The following NPEPPS variants were observed in gnomAD, a reference collection of about 807,000 sequenced individuals.
The protein encoded by NPEPPS is puromycin-sensitive aminopeptidase.
Under a neutral mutation model 115.5 loss-of-function variants are expected in NPEPPS, and 14 were observed. That is an observed-to-expected ratio of 0.12 (90% CI 0.08 to 0.19). NPEPPS has a LOEUF of 0.19. Ranked by LOEUF, NPEPPS falls within the 10% of genes least tolerant of loss-of-function variation. The pLI is 1.00. For missense variants in NPEPPS, 523 were observed against 1,110.8 expected (o/e 0.47, Z 7.52); for synonymous variants, 285 against 390.6 (o/e 0.73, Z 3.19).
chr17:47,541,563 G>T (rs1411023649), intron 1 of NPEPPS, among the ~76,000 whole-genome samples: 1 of 152,084 alleles, frequency 6.6e-6, no homozygotes, highest in Non-Finnish European at 1.5e-5. Flanking sequence ...TTTTAGTAGA[G>T]ATGGGGTTTC....
At chr17:47,523,759 G>C (rs1449023322) in intron 1 of NPEPPS, among the ~76,000 whole-genome samples, 1 of 152,098 alleles carries the variant, frequency 6.6e-6, no homozygotes, top group East Asian at 1.9e-4. Context: ...CAAACCACTG[G>C]AGAAATCATA....
At chr17:47,620,540 C>T (rs1374325618) in intron 22 of NPEPPS, among the ~76,000 whole-genome samples, 1 of 152,118 alleles carries the variant, frequency 6.6e-6, no homozygotes, top group African/African-American at 2.4e-5. Flanking sequence ...GAAAAACAAG[C>T]CAGGATAATC....
At chr17:47,546,406 A>G (rs1251197463) in intron 2 of NPEPPS, among the ~76,000 whole-genome samples, 1 of 152,172 alleles carries the variant, frequency 6.6e-6, no homozygotes, top group African/African-American at 2.4e-5. Context: ...AGCCTGTGCG[A>G]CAGAGTGAGA....
chr17:47,553,246 G>A (rs575698503), intron 2 of NPEPPS, among the ~76,000 whole-genome samples: 4 of 151,458 alleles, frequency 2.6e-5, no homozygotes, highest in South Asian at 2.1e-4. Flanking sequence ...GGTGGTAGGC[G>A]CCTGTAATCC....
intron 3 of NPEPPS, among the ~76,000 whole-genome samples, chr17:47,573,174 A>G (rs752984737): frequency 6.6e-6 from 1 of 152,234 alleles, no homozygotes; most frequent in Non-Finnish European, 1.5e-5. Flanking sequence ...ACTAGCTTAA[A>G]AAATGTAAAA....
At chr17:47,594,715 C>T (rs902386342) in intron 12 of NPEPPS, among the ~76,000 whole-genome samples, 1 of 151,924 alleles carries the variant, frequency 6.6e-6, no homozygotes, top group African/African-American at 2.4e-5. Flanking sequence ...TCACTGCAAG[C>T]TCCACCTCCC....
At chr17:47,544,711 C>CTTTT (rs938067387) in intron 1 of NPEPPS, among the ~76,000 whole-genome samples, 8 of 114,224 alleles carry the variant, frequency 7.0e-5, no homozygotes, top group East Asian at 2.5e-4. Flanking sequence ...TTTTTGTATT[C>CTTTT]TTTTTTTTTT....
intron 12 of NPEPPS, among the ~76,000 whole-genome samples, chr17:47,595,455 ATTTC>A (rs1483306161): frequency 6.6e-5 from 10 of 152,170 alleles, no homozygotes; most frequent in Admixed American, 1.3e-4. Flanking sequence ...ACACATTTCA[ATTTC>A]TTTGTTTCTC....
At chr17:47,593,479 G>A (rs1456265926) in intron 12 of NPEPPS, among the ~76,000 whole-genome samples, 1 of 152,086 alleles carries the variant, frequency 6.6e-6, no homozygotes, top group African/African-American at 2.4e-5. Flanking sequence ...AGGGTCACTT[G>A]AGCCCAGGAG....
At chr17:47,566,612 G>A (rs1435244412) in intron 2 of NPEPPS, among the ~76,000 whole-genome samples, 1 of 149,894 alleles carries the variant, frequency 6.7e-6, no homozygotes, top group African/African-American at 2.5e-5. Flanking sequence ...TGATTCTCCT[G>A]CCTCAGCCTC....
intron 1 of NPEPPS, among the ~76,000 whole-genome samples, chr17:47,534,086 T>G (rs1908015147): frequency 6.6e-6 from 1 of 152,176 alleles, no homozygotes; most frequent in Non-Finnish European, 1.5e-5. Context: ...TTTTAAAATA[T>G]TGACAAAATT....
Position 47,623,084 on chromosome 17 carries a change from CTACCT to C in NPEPPS, c.*1166_*1170del. The C allele has an allele frequency of 3.8e-6, 1 of 265,698 alleles. No individual in the cohort carries two copies. The highest frequency in any genetic ancestry group is 1.4e-4 in the East Asian group (1 of 7,350). 16.5% of individuals were successfully genotyped at this position (265,698 alleles called of 1,614,324 possible). A position where few individuals can be genotyped will look rare whatever the true frequency, so the allele number is the denominator to read the frequency against. ...TAAATCTCATTCCCTTCTTCTTTCC[CTACCT>C]TTTTTTTCTTTTTTTCTTAAAAAAA... On this transcript the variant is annotated 3_prime_UTR_variant, in exon 23 of 23. Transcript: ENST00000322157.
intron 2 of NPEPPS, among the ~76,000 whole-genome samples, chr17:47,567,659 C>T (rs1369114162): frequency 6.6e-6 from 1 of 152,090 alleles, no homozygotes; most frequent in Non-Finnish European, 1.5e-5. Context: ...AATTTTAGAA[C>T]ACTTTCTGAA....
At chr17:47,579,692 G>A (rs547770749) in intron 4 of NPEPPS, 181 bp downstream of exon 4, 11 of 497,742 alleles carry the variant, frequency 2.2e-5, no homozygotes, top group Non-Finnish European at 3.7e-5. Flanking sequence ...GGAATTAAGG[G>A]TATGGGTTGG....
At chr17:47,533,803 A>G (rs1272384819) in intron 1 of NPEPPS, among the ~76,000 whole-genome samples, 3 of 152,154 alleles carry the variant, frequency 2.0e-5, no homozygotes, top group Non-Finnish European at 1.5e-5. Context: ...TAAAAAATAA[A>G]TAAATTTTTT....
Position 47,531,155 on chromosome 17 carries a change from CCCTCCG to C in NPEPPS, c.-143_-138del. The C allele has an allele frequency of 1.2e-6, 1 of 845,172 alleles. No individual in the cohort carries two copies. The highest frequency in any genetic ancestry group is 1.5e-6 in the Non-Finnish European group (1 of 658,638). The allele number at this position is 845,172 out of a possible 1,614,324, so 52.4% of individuals were successfully genotyped here. On this transcript the variant is annotated 5_prime_UTR_variant, in exon 1 of 23. Transcript: ENST00000322157. ...TTGCGGGCCCTCCTCCCCTTCCCTC[CCCTCCG>C]CCCCCTTCCCCGTAGGCAGCCCGCC...
rs886460288 is a variant in NPEPPS at position 47,555,981 on chromosome 17, CTTTTT to C, written c.340+10006_340+10010del. On this transcript the variant is annotated intron_variant, in intron 2 of 22. Transcript: ENST00000322157. ...TTATTTATTTGTGCCTTCTGTTTTA[CTTTTT>C]TTTTTTTTTTTTTTTTTGAAATAGA... Among the ~76,000 whole-genome samples, 12 of 63,056 alleles carry C rather than the reference CTTTTT, an allele frequency of 1.9e-4. No homozygotes were observed. In the East Asian group the frequency reaches 1.9e-3, roughly 10 times the overall value. The allele number at this position is 63,056 out of a possible 152,430, so 41.4% of individuals were successfully genotyped here.
chr17:47,595,021 C>T (rs555903342), intron 12 of NPEPPS, among the ~76,000 whole-genome samples: 17 of 152,234 alleles, frequency 1.1e-4, no homozygotes, highest in Admixed American at 9.2e-4. Flanking sequence ...ACCTCCGCCT[C>T]CTGGGTTCAA....
At chr17:47,529,737 T>TTATATATATATATATATATA (rs56043348), upstream of NPEPPS, among the ~76,000 whole-genome samples, 1 of 25,660 alleles carries the variant, frequency 3.9e-5, no homozygotes, top group African/African-American at 9.5e-5. Context: ...TTCAGTTACA[T>TTATATATATATATATATATA]TATATATATA....
Sources: allele counts gnomAD v4.1 joint callset (sites outside exome capture counted in the v4.1 genomes callset), GRCh38; gene constraint gnomAD v4.1.1; transcripts MANE v1.5; gene names NCBI Gene and HGNC (gene_info 2026-07-23, HGNC 2026-07-21).